The following SF3A3 variants were observed in gnomAD, a reference collection of about 807,000 sequenced individuals.
SF3A3 encodes the protein splicing factor 3a subunit 3, also known as SAP 61.
SF3A3 carries 9 observed loss-of-function variants against 85.8 expected under a neutral mutation model. That is an observed-to-expected ratio of 0.10 (90% CI 0.06 to 0.18). SF3A3 has a LOEUF of 0.18. SF3A3 is among the 10% of genes least tolerant of loss of function. The pLI, the probability that SF3A3 is intolerant of heterozygous loss-of-function variation, is 1.00. For synonymous variants in SF3A3, 195 were observed against 204.4 expected, an observed-to-expected ratio of 0.95 and a Z score of 0.39; for missense variants, 306 against 593.3, an observed-to-expected ratio of 0.52 and a Z score of 5.03.
At chr1:37,960,338 A>T in intron 15 of SF3A3, 163 bp from the exon 16 acceptor site, 1 of 576,632 alleles carries the variant, frequency 1.7e-6, no homozygotes. Context: ...CCACCTATAG[A>T]CAAAACCCTT....
chr1:37,964,606 T>A (rs1646286103), intron 15 of SF3A3, among the ~76,000 whole-genome samples: 1 of 152,076 alleles, frequency 6.6e-6, no homozygotes, highest in Admixed American at 6.6e-5. Flanking sequence ...AGACTCTGTC[T>A]TAAAAATTAA....
At chr1:37,964,865 G>A (rs1454274319) in intron 15 of SF3A3, among the ~76,000 whole-genome samples, 2 of 152,046 alleles carry the variant, frequency 1.3e-5, no homozygotes, top group African/African-American at 4.8e-5. Context: ...CTTTATATCA[G>A]TCATTCTCTT....
intron 11 of SF3A3, 118 bp downstream of exon 11, chr1:37,978,602 A>C: frequency 1.6e-6 from 1 of 635,524 alleles, no homozygotes; most frequent in South Asian, 2.0e-5. Context: ...AGCAGACTGG[A>C]TCTCTGTCAA....
intron 15 of SF3A3, among the ~76,000 whole-genome samples, chr1:37,961,182 T>G (rs896202522): frequency 6.6e-6 from 1 of 152,100 alleles, no homozygotes; most frequent in African/African-American, 2.4e-5. Flanking sequence ...AAGCCTAAGA[T>G]GGGTGAATGA....
At position 37,983,994 on chromosome 1, in the gene SF3A3, C is replaced by CTTTCATTTTGAATAGTA. The variant is rs1312568389; in HGVS notation, c.468+158_468+174dup. 3.8e-4 allele frequency: 165 copies of CTTTCATTTTGAATAGTA among 439,392 alleles called. 1 individual carries two copies. The highest frequency in any genetic ancestry group is 4.2e-4 in the Non-Finnish European group (103 of 247,314). 27.2% of individuals were successfully genotyped at this position (439,392 alleles called of 1,614,324 possible). Reference sequence around the variant, plus strand: ...TGCTTCTTGTTTTCACTGTAGAAAACTTTCATTTTGAATAGTATTTCATTC... The same window carrying CTTTCATTTTGAATAGTA: ...TGCTTCTTGTTTTCACTGTAGAAAACTTTCATTTTGAATAGTATTTCATTTTGAATAGTATTTCATTC... On this transcript the variant is annotated intron_variant, in intron 6 of 16. Coordinates refer to ENST00000373019, the MANE Select transcript of SF3A3 (RefSeq NM_006802.4).
intron 1 of SF3A3, 33 bp downstream of exon 1, chr1:37,989,837 T>G: frequency 1.3e-6 from 2 of 1,526,948 alleles, no homozygotes; most frequent in Non-Finnish European, 1.8e-6. Flanking sequence ...AGGCTCGTGC[T>G]CCTGCCGCAG....
At chr1:37,967,614 C>T (rs1646311045) in intron 15 of SF3A3, among the ~76,000 whole-genome samples, 1 of 120,532 alleles carries the variant, frequency 8.3e-6, no homozygotes, top group Non-Finnish European at 1.6e-5. Context: ...GGAGGTGGAA[C>T]TTGCAGTGAG....
rs186513377 is a variant in SF3A3, at chr1:37,958,369, C to A, written c.1429-106G>T. 4 of 781,478 alleles carry A rather than the reference C, an allele frequency of 5.1e-6. No homozygotes were observed. In the East Asian group the frequency reaches 1.0e-4, roughly 20 times the overall value. 48.4% of individuals were successfully genotyped at this position (781,478 alleles called of 1,614,324 possible). On this transcript the variant is annotated intron_variant, in intron 16 of 16. Coordinates refer to ENST00000373019, the MANE Select transcript of SF3A3 (RefSeq NM_006802.4). ...TCCTGGCCTGATTCCATGGCATACT[C>A]TGGTACACTAAGATTGGCATTCATC...
Position 37,979,001 on chromosome 1 carries a change from A to G in SF3A3, c.814T>C (p.Leu272=). The change falls in exon 10 of 17, where the codon TTG becomes CTG. Residue 272 remains leucine (L), a synonymous_variant. Transcript: ENST00000373019. ...ACTATTCCTTACCCGCCACATTTCAAGCCTAAAGCTAAGAGAGCAGATTTC... is the reference window on the plus strand; with the variant it reads ...ACTATTCCTTACCCGCCACATTTCAGGCCTAAAGCTAAGAGAGCAGATTTC... ...RLKSALLALG[L]KCGGTLEERA... 6.2e-7 allele frequency: 1 copy of G among 1,613,986 alleles called. No individual in the cohort carries two copies. The highest frequency in any genetic ancestry group is 1.1e-5 in the South Asian group (1 of 91,080).
At chr1:37,966,279 G>C (rs1359628063) in intron 15 of SF3A3, among the ~76,000 whole-genome samples, 1 of 151,966 alleles carries the variant, frequency 6.6e-6, no homozygotes, top group Non-Finnish European at 1.5e-5. Context: ...CCATGAAAAT[G>C]TTAATGGCAG....
Position 37,958,114 on chromosome 1 carries a change from T to C in SF3A3, c.*72A>G, listed in dbSNP as rs1187196462. The C allele has an allele frequency of 2.1e-5, 21 of 991,164 alleles. No homozygotes were observed. Among genetic ancestry groups the C allele is most frequent in the Non-Finnish European group, 3.4e-5 (21 of 614,418 alleles). The allele number at this position is 991,164 out of a possible 1,614,324, so 61.4% of individuals were successfully genotyped here. Reference sequence around the variant, plus strand: ...GCAAAGGGTCTTTAAGAGGATTTGGTTGGGAGAAATAGAAAAAGCAGATCT... The same window carrying C: ...GCAAAGGGTCTTTAAGAGGATTTGGCTGGGAGAAATAGAAAAAGCAGATCT... On this transcript the variant is annotated 3_prime_UTR_variant, in exon 17 of 17. Coordinates refer to ENST00000373019, the MANE Select transcript of SF3A3 (RefSeq NM_006802.4).
chr1:37,957,946 A>T lies in SF3A3; in HGVS notation c.*240T>A, dbSNP rs892454872. 2.0e-6 allele frequency: 1 copy of T among 496,736 alleles called. No homozygotes were observed. Among genetic ancestry groups the T allele is most frequent in the Admixed American group, 3.4e-5 (1 of 29,492 alleles). 30.8% of individuals were successfully genotyped at this position (496,736 alleles called of 1,614,324 possible). On this transcript the variant is annotated 3_prime_UTR_variant, in exon 17 of 17. Transcript: ENST00000373019. ...GACCTGAAGCACTGAGTTGGTCCAT[A>T]ACCCTGGGCTTTAGAACAAGGTCTG...
intron 12 of SF3A3, among the ~76,000 whole-genome samples, chr1:37,970,173 T>C (rs969773968): frequency 1.5e-4 from 22 of 151,656 alleles, no homozygotes; most frequent in Non-Finnish European, 1.5e-5. Flanking sequence ...GGCATGGAGG[T>C]GTGCACCTGT....
rs541255984 is a variant in SF3A3, at chr1:37,989,750, C to G, written c.96+120G>C. ...CGGGAGGAGGTTACCAAGACCGGAG[C>G]TCGGAGAGGGAGCCCGGAGGAAGGC... On this transcript the variant is annotated intron_variant, in intron 1 of 16. Coordinates refer to ENST00000373019, the MANE Select transcript of SF3A3 (RefSeq NM_006802.4). The G allele has an allele frequency of 1.2e-3, 1,482 of 1,214,856 alleles. 2 individuals are homozygous for G. The highest frequency in any genetic ancestry group is 1.6e-3 in the Non-Finnish European group (1,306 of 841,192). The allele number at this position is 1,214,856 out of a possible 1,614,324, so 75.3% of individuals were successfully genotyped here.
intron 12 of SF3A3, among the ~76,000 whole-genome samples, chr1:37,972,301 G>A (rs1224078071): frequency 1.3e-5 from 2 of 152,292 alleles, no homozygotes; most frequent in Non-Finnish European, 2.9e-5. Context: ...GCTTACAAGG[G>A]ATGTGAAGGA....
chr1:37,977,430 C>T (rs532216494), intron 11 of SF3A3, among the ~76,000 whole-genome samples: 15 of 152,128 alleles, frequency 9.9e-5, no homozygotes, highest in Non-Finnish European at 1.3e-4. Context: ...GGGCCAGGCT[C>T]GGTGGCTCAT....
chr1:37,968,243 C>T, intron 14 of SF3A3, 109 bp from the exon 15 acceptor site: 1 of 714,240 alleles, frequency 1.4e-6, no homozygotes, highest in Non-Finnish European at 2.6e-6. Context: ...CAAGACTCCA[C>T]CTAAAGGTAG....
At position 37,984,380 on chromosome 1, in the gene SF3A3, C is replaced by G. The variant is rs1310232785; in HGVS notation, c.377-120G>C. 1.6e-4 allele frequency: 104 copies of G among 656,092 alleles called. 1 individual carries two copies. Among genetic ancestry groups the G allele is most frequent in the South Asian group, 1.6e-3 (87 of 55,970 alleles). 40.6% of individuals were successfully genotyped at this position (656,092 alleles called of 1,614,324 possible). ...GCAGCACTTCACCCAAATGTCTTCCCTTTGCTCACAATATAACCTCCAATA... is the reference window on the plus strand; with the variant it reads ...GCAGCACTTCACCCAAATGTCTTCCGTTTGCTCACAATATAACCTCCAATA... On this transcript the variant is annotated intron_variant, in intron 5 of 16. Transcript: ENST00000373019.
chr1:37,984,913 T>C lies in SF3A3; in HGVS notation c.304-134A>G, dbSNP rs1008014996. 1.6e-5 allele frequency: 11 copies of C among 679,740 alleles called. No homozygotes were observed. The East Asian group carries it at 2.2e-4, about 14-fold the overall frequency. 42.1% of individuals were successfully genotyped at this position (679,740 alleles called of 1,614,324 possible). A position where few individuals can be genotyped will look rare whatever the true frequency, so the allele number is the denominator to read the frequency against. On this transcript the variant is annotated intron_variant, in intron 4 of 16. Coordinates refer to ENST00000373019, the MANE Select transcript of SF3A3 (RefSeq NM_006802.4). ...ACCTCTACCTCCCGGGTTCAAGCGA[T>C]TGTCCTGCCTCGGCCACCCGAGTAG...
Sources: gnomAD v4.1 joint callset for allele counts (sites outside exome capture counted in the v4.1 genomes callset) on GRCh38, gnomAD v4.1.1 for gene constraint, MANE v1.5 for transcripts, NCBI Gene and HGNC (gene_info 2026-07-23, HGNC 2026-07-21) for gene names.